Variants in NIM1K observed in about 807,000 individuals in gnomAD.
NIM1K encodes serine/threonine-protein kinase NIM1.
NIM1K carries 35 observed loss-of-function variants against 37.1 expected under a neutral mutation model. The ratio of observed to expected loss-of-function variants is 0.94; its 90% CI spans 0.72 to 1.25. NIM1K has a LOEUF of 1.25. NIM1K is among the 50% of genes most tolerant of loss of function. The probability of loss-of-function intolerance (pLI) is 0.00; values close to 1 mark genes in which losing one functional copy is unlikely to be tolerated. For synonymous variants in NIM1K, 234 were observed against 206.6 expected, an observed-to-expected ratio of 1.13 and a Z score of -1.14; for missense variants, 564 against 548.0, an observed-to-expected ratio of 1.03 and a Z score of -0.29.
At position 43,245,346 on chromosome 5, in the gene NIM1K, GC is replaced by G. The variant is rs1360631259; in HGVS notation, c.-429del. Reference sequence around the variant, plus strand: ...GTGGGGGCCTCCCAGGGGCATTTACGCACCAGAGTGCAAGATTCTCTGGCCA... The same window carrying G: ...GTGGGGGCCTCCCAGGGGCATTTACGACCAGAGTGCAAGATTCTCTGGCCA... On this transcript the variant is annotated 5_prime_UTR_variant, in exon 2 of 4. The change abolishes the stop of an existing upstream ORF in the 5' untranslated region. Transcript: ENST00000326035. 6.5e-6 allele frequency: 1 copy of G among 154,978 alleles called. No homozygotes were observed. The highest frequency in any genetic ancestry group is 2.4e-5 in the African/African-American group (1 of 41,592). The allele number at this position is 154,978 out of a possible 1,614,324, so 9.6% of individuals were successfully genotyped here.
intron 1 of NIM1K, 85 bp downstream of exon 1, chr5:43,192,496 G>C (rs1239702998): frequency 6.6e-6 from 1 of 152,294 alleles, no homozygotes; most frequent in Admixed American, 6.5e-5. Flanking sequence ...GGTGGCTGAG[G>C]AGGAGGCGCC....
At chr5:43,199,165 G>T (rs1156478810) in intron 1 of NIM1K, among the ~76,000 whole-genome samples, 2 of 119,370 alleles carry the variant, frequency 1.7e-5, no homozygotes, top group Non-Finnish European at 3.2e-5. Context: ...TCCAGCCTGG[G>T]CAACAAGAGT....
intron 1 of NIM1K, among the ~76,000 whole-genome samples, chr5:43,236,877 G>C (rs4368737): frequency 1.3e-5 from 2 of 152,006 alleles, no homozygotes; most frequent in African/African-American, 4.8e-5. Flanking sequence ...AGAAACCAGC[G>C]CATACTGACT....
chr5:43,211,310 G>A (rs1236634064), intron 1 of NIM1K, among the ~76,000 whole-genome samples: 1 of 152,160 alleles, frequency 6.6e-6, no homozygotes, highest in South Asian at 2.1e-4. Flanking sequence ...TTGTAAATAG[G>A]TCTCTTTGAC....
chr5:43,260,012 C>CT (rs1753004204), intron 2 of NIM1K, among the ~76,000 whole-genome samples: 1 of 152,032 alleles, frequency 6.6e-6, no homozygotes, highest in Non-Finnish European at 1.5e-5. Flanking sequence ...TCCAGTTTTC[C>CT]CAGCAACATT....
At chr5:43,231,955 CA>C in intron 1 of NIM1K, 1 of 964,144 alleles carries the variant, frequency 1.0e-6, no homozygotes, top group Non-Finnish European at 1.6e-6. Context: ...TACCAGTGAA[CA>C]AAAGCACTCT....
intron 1 of NIM1K, among the ~76,000 whole-genome samples, chr5:43,226,411 T>A (rs193088836): frequency 6.6e-6 from 1 of 152,256 alleles, no homozygotes. Context: ...GGAAATATTT[T>A]GAAGGTAGAG....
chr5:43,252,529 G>A (rs1752880033), intron 2 of NIM1K, among the ~76,000 whole-genome samples: 1 of 151,034 alleles, frequency 6.6e-6, no homozygotes, highest in South Asian at 2.1e-4. Flanking sequence ...AAAGCAGAGA[G>A]TTTCAGTGCC....
chr5:43,239,613 G>A (rs183827682), intron 1 of NIM1K, among the ~76,000 whole-genome samples: 39 of 151,948 alleles, frequency 2.6e-4, no homozygotes, highest in African/African-American at 4.4e-4. Flanking sequence ...TACAACCTCC[G>A]CCTCCCAGGT....
intron 2 of NIM1K, among the ~76,000 whole-genome samples, chr5:43,252,961 C>G (rs1340463464): frequency 6.7e-6 from 1 of 148,902 alleles, no homozygotes; most frequent in Admixed American, 6.7e-5. Flanking sequence ...TTAATTCATT[C>G]TTTCCTTCCT....
chr5:43,198,179 CTT>C (rs756251532), intron 1 of NIM1K, among the ~76,000 whole-genome samples: 1,289 of 66,598 alleles, frequency 0.019, 10 homozygotes, highest in African/African-American at 0.033. Context: ...TTCTTTCTTT[CTT>C]TCTTTCTTTC....
chr5:43,225,439 A>G (rs778625604), intron 1 of NIM1K: 14 of 152,160 alleles, frequency 9.2e-5, no homozygotes, highest in Non-Finnish European at 2.1e-4. Context: ...ACTCGTAAGC[A>G]GTAAAATTTT....
chr5:43,223,080 A>G (rs1752404163), intron 1 of NIM1K, among the ~76,000 whole-genome samples: 1 of 148,526 alleles, frequency 6.7e-6, no homozygotes, highest in Non-Finnish European at 1.5e-5. Flanking sequence ...CAGAGGTTGC[A>G]GTGAACCGAG....
At chr5:43,199,204 A>AAATAT (rs1200134957) in intron 1 of NIM1K, among the ~76,000 whole-genome samples, 3 of 94,068 alleles carry the variant, frequency 3.2e-5, no homozygotes, top group African/African-American at 1.2e-4. Context: ...AAAAAAAAAA[A>AAATAT]ATATATATAT....
At chr5:43,200,898 G>A (rs145224553) in intron 1 of NIM1K, among the ~76,000 whole-genome samples, 2,957 of 152,172 alleles carry the variant, frequency 0.019, 45 homozygotes, top group Non-Finnish European at 0.03. Flanking sequence ...GGCCGAGTCG[G>A]GTGGATCATG....
chr5:43,236,614 T>C (rs1188981622), intron 1 of NIM1K, among the ~76,000 whole-genome samples: 4 of 152,240 alleles, frequency 2.6e-5, no homozygotes, highest in Non-Finnish European at 5.9e-5. Context: ...ACGCCAGGCA[T>C]AGGCACTGCA....
chr5:43,232,594 G>T, intron 1 of NIM1K: 1 of 1,566,762 alleles, frequency 6.4e-7, no homozygotes, highest in Non-Finnish European at 8.7e-7. Context: ...CTCCAGGGTG[G>T]TGTGGGAGGT....
intron 1 of NIM1K, among the ~76,000 whole-genome samples, chr5:43,196,472 C>CA (rs35053237): frequency 0.15 from 21,756 of 141,536 alleles, 1,849 homozygotes; most frequent in African/African-American, 0.24. Flanking sequence ...ACTAAATATA[C>CA]AAAAAAAAAA....
intron 1 of NIM1K, among the ~76,000 whole-genome samples, chr5:43,195,101 C>T (rs1185138572): frequency 6.6e-6 from 1 of 152,124 alleles, no homozygotes; most frequent in Non-Finnish European, 1.5e-5. Context: ...AAAGGACAAA[C>T]TGTTCATAAA....
Sources: gnomAD v4.1 joint callset for allele counts (sites outside exome capture counted in the v4.1 genomes callset) on GRCh38, gnomAD v4.1.1 for gene constraint, MANE v1.5 for transcripts, NCBI Gene and HGNC (gene_info 2026-07-23, HGNC 2026-07-21) for gene names.